EXT2: variants seen among roughly 807,000 people sequenced by gnomAD.
EXT2 encodes exostosin glycosyltransferase 2, also known as exostosin-2.
A neutral mutation model predicts 81.6 loss-of-function variants in EXT2; 53 were observed. The ratio of observed to expected loss-of-function variants is 0.65; its 90% CI spans 0.52 to 0.82. The LOEUF (loss-of-function observed/expected upper bound fraction) is 0.82. Ranked by LOEUF, EXT2 falls within the 40% of genes least tolerant of loss-of-function variation. The pLI, the probability that EXT2 is intolerant of heterozygous loss-of-function variation, is 0.00. For synonymous variants in EXT2, 320 were observed against 340.0 expected (o/e 0.94, Z 0.65); for missense variants, 774 against 910.2 (o/e 0.85, Z 1.93).
At chr11:44,129,513 G>A (rs1590574326) in intron 6 of EXT2, among the ~76,000 whole-genome samples, 2 of 152,286 alleles carry the variant, frequency 1.3e-5, no homozygotes, top group South Asian at 4.1e-4. Flanking sequence ...CTGGAATGCT[G>A]TTTCCCAGGC....
intron 6 of EXT2, among the ~76,000 whole-genome samples, chr11:44,129,206 C>T (rs978510327): frequency 2.6e-5 from 4 of 152,188 alleles, no homozygotes; most frequent in Non-Finnish European, 4.4e-5. Flanking sequence ...TCCTTGCTTT[C>T]CTGTAGTTTA....
At chr11:44,170,246 T>C (rs1332068510) in intron 7 of EXT2, among the ~76,000 whole-genome samples, 1 of 152,050 alleles carries the variant, frequency 6.6e-6, no homozygotes, top group Non-Finnish European at 1.5e-5. Context: ...AATTAAACAA[T>C]ATACAAAGGA....
At chr11:44,152,774 T>A (rs1489354319) in intron 7 of EXT2, among the ~76,000 whole-genome samples, 1 of 152,220 alleles carries the variant, frequency 6.6e-6, no homozygotes, top group Non-Finnish European at 1.5e-5. Flanking sequence ...CAGCACCATT[T>A]GTGGAAAGAC....
chr11:44,187,739 C>T (rs917789882), intron 8 of EXT2, among the ~76,000 whole-genome samples: 1 of 152,028 alleles, frequency 6.6e-6, no homozygotes, highest in Admixed American at 6.6e-5. Context: ...TTGTTTATTC[C>T]TTACAACAAA....
intron 13 of EXT2, among the ~76,000 whole-genome samples, chr11:44,238,610 T>C (rs1226502934): frequency 6.6e-6 from 1 of 152,212 alleles, no homozygotes; most frequent in African/African-American, 2.4e-5. Context: ...ATGAGCGCCC[T>C]GAGAGAGGCT....
intron 7 of EXT2, among the ~76,000 whole-genome samples, chr11:44,162,871 A>C (rs1267215654): frequency 1.3e-5 from 2 of 152,290 alleles, no homozygotes; most frequent in South Asian, 2.1e-4. Flanking sequence ...TAAGGAAGTG[A>C]AAAAAAGCCG....
At chr11:44,143,349 A>G (rs1234778734) in intron 7 of EXT2, among the ~76,000 whole-genome samples, 1 of 152,172 alleles carries the variant, frequency 6.6e-6, no homozygotes, top group Non-Finnish European at 1.5e-5. Flanking sequence ...TGAGAGGGAT[A>G]TGATTCCCTG....
chr11:44,239,547 C>T (rs1956010420), intron 13 of EXT2, among the ~76,000 whole-genome samples: 1 of 151,764 alleles, frequency 6.6e-6, no homozygotes, highest in African/African-American at 2.4e-5. Flanking sequence ...CACGTGGCAC[C>T]GTGCCCGGCT....
At chr11:44,109,553 T>C (rs1197223106) in intron 3 of EXT2, among the ~76,000 whole-genome samples, 1 of 152,160 alleles carries the variant, frequency 6.6e-6, no homozygotes, top group Non-Finnish European at 1.5e-5. Flanking sequence ...CCCCCAAAAG[T>C]GTGACAGGCT....
intron 7 of EXT2, among the ~76,000 whole-genome samples, chr11:44,169,858 A>G (rs1462298879): frequency 1.3e-5 from 2 of 152,024 alleles, no homozygotes; most frequent in Non-Finnish European, 2.9e-5. Context: ...CTCAACCTGT[A>G]TATGCTTTTC....
At position 44,114,235 on chromosome 11, in the gene EXT2, A is replaced by G; in HGVS notation, c.677A>G (p.Tyr226Cys). 3.1e-6 allele frequency: 5 copies of G among 1,614,124 alleles called. No homozygotes were observed. The highest frequency in any genetic ancestry group is 3.4e-6 in the Non-Finnish European group (4 of 1,179,994). ...GFSTWTYRQGYDVSIPVYSPL... is the reference protein window; with the variant it reads ...GFSTWTYRQGCDVSIPVYSPL... ...TCTACGTGGACTTACCGGCAAGGCT[A>G]CGATGTCAGCATTCCTGTCTATAGT... The change falls in exon 4 of 14, where the codon TAC (tyrosine) becomes TGC (cysteine). Residue 226 changes from tyrosine (Y) to cysteine (C), a missense_variant. Transcript: ENST00000533608.
intron 13 of EXT2, among the ~76,000 whole-genome samples, chr11:44,240,967 G>A (rs544850551): frequency 1.3e-5 from 2 of 152,322 alleles, no homozygotes; most frequent in South Asian, 2.1e-4. Context: ...ACCATGCCCA[G>A]CTGTTTTATT....
At chr11:44,161,251 A>G (rs2135105545) in intron 7 of EXT2, among the ~76,000 whole-genome samples, 1 of 152,352 alleles carries the variant, frequency 6.6e-6, no homozygotes, top group African/African-American at 2.4e-5. Flanking sequence ...ATTACTGAGG[A>G]AAGAAAACAT....
intron 8 of EXT2, 52 bp downstream of exon 8, chr11:44,171,794 G>C (rs1484725575): frequency 6.2e-7 from 1 of 1,611,120 alleles, no homozygotes; most frequent in African/African-American, 1.3e-5. Context: ...CTGTCAGGGT[G>C]GGTGGAAGGA....
At chr11:44,178,124 G>A (rs1297003728) in intron 8 of EXT2, among the ~76,000 whole-genome samples, 1 of 152,244 alleles carries the variant, frequency 6.6e-6, no homozygotes. Flanking sequence ...AGGGGGATCA[G>A]AAATCACAGC....
At chr11:44,168,996 C>T (rs927209575) in intron 7 of EXT2, among the ~76,000 whole-genome samples, 40 of 152,094 alleles carry the variant, frequency 2.6e-4, no homozygotes, top group African/African-American at 4.6e-4. Flanking sequence ...TCAAGGCAGG[C>T]GGATCACAAG....
intron 13 of EXT2, among the ~76,000 whole-genome samples, chr11:44,240,176 T>C (rs1354455551): frequency 6.6e-6 from 1 of 152,174 alleles, no homozygotes; most frequent in African/African-American, 2.4e-5. Context: ...CTAACTGTAT[T>C]TGGCAGTCAT....
At chr11:44,214,820 T>C (rs1955697874) in intron 10 of EXT2, among the ~76,000 whole-genome samples, 1 of 151,876 alleles carries the variant, frequency 6.6e-6, no homozygotes, top group Non-Finnish European at 1.5e-5. Context: ...GGTGCAATTG[T>C]AGCTAACTGT....
chr11:44,098,015 A>G (rs1287453643), intron 1 of EXT2, among the ~76,000 whole-genome samples: 2 of 152,200 alleles, frequency 1.3e-5, no homozygotes, highest in Non-Finnish European at 2.9e-5. Flanking sequence ...AGATGATTCC[A>G]GTGTTTTGCA....
Sources: gnomAD v4.1 joint callset for allele counts (sites outside exome capture counted in the v4.1 genomes callset) on GRCh38, gnomAD v4.1.1 for gene constraint, MANE v1.5 for transcripts, NCBI Gene and HGNC (gene_info 2026-07-23, HGNC 2026-07-21) for gene names.